CREB3L2: variants seen among roughly 807,000 people sequenced by gnomAD.
CREB3L2 encodes cAMP responsive element binding protein 3 like 2.
In CREB3L2, 23 loss-of-function variants were observed where a neutral mutation model predicts 57.2. That is an observed-to-expected ratio of 0.40 (90% CI 0.29 to 0.57). The LOEUF (loss-of-function observed/expected upper bound fraction) is 0.57. Among genes scored for constraint, CREB3L2 ranks in the 20% least tolerant of loss-of-function variants. The pLI is 0.42. For missense variants in CREB3L2, 628 were observed against 634.7 expected, an observed-to-expected ratio of 0.99 and a Z score of 0.11; for synonymous variants, 268 against 265.1, an observed-to-expected ratio of 1.01 and a Z score of -0.11.
At position 137,916,303 on chromosome 7, in the gene CREB3L2, T is replaced by C. The variant is rs183146569; in HGVS notation, c.320-291A>G. 1.2e-3 allele frequency among the ~76,000 whole-genome samples: 179 copies of C among 152,204 alleles called. 3 individuals carry two copies. Among genetic ancestry groups the C allele is most frequent in the Non-Finnish European group, 1.7e-3 (115 of 68,010 alleles). ...AAAGGCAGGAAGAAACCTGGGTTGA[T>C]GGGGAATAGAATAGGAGGGAGGATT... On this transcript the variant is annotated intron_variant, in intron 2 of 11. Transcript: ENST00000330387.
At chr7:137,960,914 A>G (rs1020302337) in intron 1 of CREB3L2, among the ~76,000 whole-genome samples, 1 of 141,290 alleles carries the variant, frequency 7.1e-6, no homozygotes, top group Non-Finnish European at 1.5e-5. Context: ...CCCAGGTTCA[A>G]GTGATTCTCC....
chr7:137,940,904 G>A (rs1186809419), intron 1 of CREB3L2, among the ~76,000 whole-genome samples: 1 of 152,224 alleles, frequency 6.6e-6, no homozygotes, highest in African/African-American at 2.4e-5. Flanking sequence ...TTGTTTAAAT[G>A]CTCAGGCATG....
intron 1 of CREB3L2, among the ~76,000 whole-genome samples, chr7:137,990,090 C>T (rs769431691): frequency 1.2e-4 from 19 of 152,188 alleles, no homozygotes; most frequent in Middle Eastern, 3.2e-3. Flanking sequence ...CCCACCTTCC[C>T]GCTTACAAAA....
intron 8 of CREB3L2, among the ~76,000 whole-genome samples, chr7:137,893,853 C>G (rs1465320642): frequency 6.6e-6 from 1 of 152,204 alleles, no homozygotes; most frequent in Non-Finnish European, 1.5e-5. Flanking sequence ...AAATGAAGTC[C>G]ACATGCCACA....
chr7:137,947,029 T>C (rs993663281), intron 1 of CREB3L2, among the ~76,000 whole-genome samples: 6 of 138,426 alleles, frequency 4.3e-5, no homozygotes, highest in Non-Finnish European at 7.6e-5. Context: ...TATATATATA[T>C]AGTTCAATCC....
At chr7:137,910,400 T>C (rs1799981088) in intron 4 of CREB3L2, among the ~76,000 whole-genome samples, 1 of 152,096 alleles carries the variant, frequency 6.6e-6, no homozygotes, top group Non-Finnish European at 1.5e-5. Flanking sequence ...AGCTAAAGAA[T>C]ATGCTAAAAT....
chr7:137,890,519 CAAGTT>C (rs1799510291), intron 8 of CREB3L2, among the ~76,000 whole-genome samples: 1 of 152,178 alleles, frequency 6.6e-6, no homozygotes, highest in African/African-American at 2.4e-5. Flanking sequence ...TGCCTTTAAT[CAAGTT>C]AAGTTCTGAG....
intron 9 of CREB3L2, 91 bp downstream of exon 9, chr7:137,885,312 A>G (rs919718508): frequency 8.7e-6 from 11 of 1,271,518 alleles, no homozygotes; most frequent in Admixed American, 4.1e-5. Flanking sequence ...TTTCTCCTAC[A>G]GCACAGCACT....
Position 137,915,856 on chromosome 7 carries a change from G to A in CREB3L2, c.476C>T (p.Pro159Leu). The A allele has an allele frequency of 6.2e-7, 1 of 1,614,044 alleles. No individual in the cohort carries two copies. Among genetic ancestry groups the A allele is most frequent in the Admixed American group, 1.7e-5 (1 of 59,998 alleles). Residue 159 changes from proline to leucine, a missense_variant, in exon 3 of 12, where the codon CCT becomes CTT. Coordinates refer to ENST00000330387, the MANE Select transcript of CREB3L2 (RefSeq NM_194071.4). ...GCATACCCCAGTGTTCATTTCCAGA[G>A]GAGGTTCCTCCTTTTCCAACGGGGT... is the stretch of plus-strand genomic sequence containing the variant. ...ISTPLEKEEP[P>L]LEMNTGVDSS...
rs1349956946 is a variant in CREB3L2 at position 138,001,176 on chromosome 7, G to A, written c.102+428C>T. Among the ~76,000 whole-genome samples, 1 of 151,828 alleles carries A rather than the reference G, an allele frequency of 6.6e-6. No individual in the cohort carries two copies. Among genetic ancestry groups the A allele is most frequent in the East Asian group, 1.9e-4 (1 of 5,180 alleles). On this transcript the variant is annotated intron_variant, in intron 1 of 11. Coordinates refer to ENST00000330387, the MANE Select transcript of CREB3L2 (RefSeq NM_194071.4). The surrounding 1 kb of genome is among the most constrained non-coding windows in gnomAD (Gnocchi z 4.2). ...GAAAGAAGAGGAAGGGAGGGAGAGA[G>A]GGAGAGAGAATACGAGACAGATGAA...
chr7:137,927,813 C>T (rs1444701165), intron 2 of CREB3L2, among the ~76,000 whole-genome samples: 1 of 151,734 alleles, frequency 6.6e-6, no homozygotes, highest in Non-Finnish European at 1.5e-5. Context: ...TGGCATGACC[C>T]CTTGAAACAA....
chr7:137,930,043 GCCA>G (rs2117243686), intron 1 of CREB3L2, among the ~76,000 whole-genome samples: 1 of 151,510 alleles, frequency 6.6e-6, no homozygotes, highest in African/African-American at 2.4e-5. Flanking sequence ...ACAGGCACCC[GCCA>G]CCACGTCTGG....
chr7:137,954,161 A>G (rs142567113), intron 1 of CREB3L2, among the ~76,000 whole-genome samples: 174 of 152,292 alleles, frequency 1.1e-3, no homozygotes, highest in African/African-American at 3.8e-3. Flanking sequence ...CTGTCTACGC[A>G]TGAGGGATAA....
intron 5 of CREB3L2, among the ~76,000 whole-genome samples, chr7:137,906,160 C>G (rs1799889090): frequency 6.6e-6 from 1 of 152,196 alleles, no homozygotes; most frequent in Non-Finnish European, 1.5e-5. Flanking sequence ...AAGTCATTTC[C>G]CACATCCCTA....
intron 1 of CREB3L2, among the ~76,000 whole-genome samples, chr7:137,967,302 A>C (rs1034407905): frequency 6.6e-6 from 1 of 152,150 alleles, no homozygotes; most frequent in South Asian, 2.1e-4. Flanking sequence ...ACCAAGGCAA[A>C]AGGTGAGTGA....
rs140945116 is a variant in CREB3L2, at chr7:137,917,191, G to A, written c.320-1179C>T. On this transcript the variant is annotated intron_variant, in intron 2 of 11. Coordinates refer to ENST00000330387, the MANE Select transcript of CREB3L2 (RefSeq NM_194071.4). ...CCAGGCCTGGAGATAGCTAACAACC[G>A]AGAGACAAGACGGAACAGACAGAGT... Among the ~76,000 whole-genome samples the A allele has an allele frequency of 1.1e-3, 175 of 152,270 alleles. 1 individual carries two copies. The East Asian group carries it at 0.017, about 14-fold the overall frequency.
intron 11 of CREB3L2, among the ~76,000 whole-genome samples, chr7:137,881,864 CA>C (rs1430250151): frequency 6.6e-6 from 1 of 152,186 alleles, no homozygotes; most frequent in African/African-American, 2.4e-5. Context: ...AGGTTGTTCT[CA>C]ATATGGAAAT....
Position 137,878,462 on chromosome 7 carries a change from T to C in CREB3L2, c.*2014A>G, listed in dbSNP as rs1440313855. On this transcript the variant is annotated 3_prime_UTR_variant, in exon 12 of 12. Transcript: ENST00000330387. ...AGTTTAAAAGAGAGGGATGGGTCAG[T>C]GGAGGCCCATGGTTACCAGACACCA... 2 of 232,966 alleles carry C rather than the reference T, an allele frequency of 8.6e-6. No homozygotes were observed. Among genetic ancestry groups the C allele is most frequent in the Middle Eastern group, 1.2e-3 (1 of 806 alleles). 14.4% of individuals were successfully genotyped at this position (232,966 alleles called of 1,614,324 possible). A position where few individuals can be genotyped will look rare whatever the true frequency, so the allele number is the denominator to read the frequency against.
chr7:137,975,455 C>G (rs1264238779), intron 1 of CREB3L2, among the ~76,000 whole-genome samples: 1 of 152,210 alleles, frequency 6.6e-6, no homozygotes, highest in Non-Finnish European at 1.5e-5. Context: ...AGGACTCTCG[C>G]CCCTTCTCTC....
Sources: allele counts gnomAD v4.1 joint callset (sites outside exome capture counted in the v4.1 genomes callset), GRCh38; gene constraint gnomAD v4.1.1; non-coding constraint Gnocchi (gnomAD v3.1); transcripts MANE v1.5; gene names NCBI Gene and HGNC (gene_info 2026-07-23, HGNC 2026-07-21).